Variants in PLEKHA5 observed in about 807,000 individuals in gnomAD.
PLEKHA5 encodes the protein pleckstrin homology domain containing A5.
In PLEKHA5, 55 loss-of-function variants were observed where a neutral mutation model predicts 181.9. The observed-to-expected ratio is 0.30, with a 90% CI of 0.24 to 0.38. PLEKHA5 has a LOEUF of 0.38. PLEKHA5 is among the 10% of genes least tolerant of loss of function. The probability of loss-of-function intolerance (pLI) is 1.00; values close to 1 mark genes in which losing one functional copy is unlikely to be tolerated. For missense variants in PLEKHA5, 1,432 were observed against 1,549.5 expected (o/e 0.92, Z 1.27); for synonymous variants, 535 against 529.4 (o/e 1.01, Z -0.15).
intron 3 of PLEKHA5, among the ~76,000 whole-genome samples, chr12:19,231,604 A>ATATGTATATATATT (rs144942773): frequency 1.3e-5 from 1 of 78,132 alleles, no homozygotes; most frequent in Non-Finnish European, 3.7e-5. Context: ...GTACACATAT[A>ATATGTATATATATT]TATATATAAA....
intron 3 of PLEKHA5, among the ~76,000 whole-genome samples, chr12:19,245,723 CAAAAAAAAAAAAAA>C (rs1177391924): frequency 3.9e-5 from 2 of 50,906 alleles, no homozygotes; most frequent in Non-Finnish European, 6.5e-5. Flanking sequence ...GTGAGACTGT[CAAAAAAAAAAAAAA>C]AAAAAAAAAA....
At chr12:19,154,296 G>T (rs2041165112) in intron 3 of PLEKHA5, 1 of 151,738 alleles carries the variant, frequency 6.6e-6, no homozygotes, top group African/African-American at 2.4e-5. Context: ...TCTTTTTCCA[G>T]TTTTATAAAC....
intron 3 of PLEKHA5, among the ~76,000 whole-genome samples, chr12:19,222,624 G>A (rs767434405): frequency 1.8e-4 from 27 of 152,088 alleles, no homozygotes; most frequent in Non-Finnish European, 3.7e-4. Flanking sequence ...AGTCAGTACC[G>A]GAGAAAATAT....
intron 3 of PLEKHA5, among the ~76,000 whole-genome samples, chr12:19,192,714 T>G (rs955453771): frequency 6.6e-6 from 1 of 151,890 alleles, no homozygotes; most frequent in African/African-American, 2.4e-5. Context: ...TCTCAAAAAA[T>G]AAAAAAGAAA....
chr12:19,318,984 T>C (rs1279214276), intron 16 of PLEKHA5, among the ~76,000 whole-genome samples: 1 of 152,212 alleles, frequency 6.6e-6, no homozygotes, highest in Non-Finnish European at 1.5e-5. Context: ...TTTTCATCTT[T>C]AATTTGTTAT....
intron 28 of PLEKHA5, 57 bp downstream of exon 28, chr12:19,359,603 T>C: frequency 6.7e-7 from 1 of 1,483,414 alleles, no homozygotes; most frequent in Admixed American, 1.7e-5. Flanking sequence ...GAAGATTAAA[T>C]CAAGTGGTAA....
At chr12:19,168,961 T>C (rs2045249194) in intron 3 of PLEKHA5, among the ~76,000 whole-genome samples, 1 of 152,218 alleles carries the variant, frequency 6.6e-6, no homozygotes, top group African/African-American at 2.4e-5. Flanking sequence ...TAAAGTGAGC[T>C]TAATCACCTG....
intron 15 of PLEKHA5, among the ~76,000 whole-genome samples, chr12:19,294,874 C>CA (rs2079359631): frequency 6.6e-6 from 1 of 152,186 alleles, no homozygotes; most frequent in African/African-American, 2.4e-5. Context: ...ATTTGATTCT[C>CA]ACTGTCACCG....
At chr12:19,332,664 G>T (rs770962910) in intron 20 of PLEKHA5, among the ~76,000 whole-genome samples, 2 of 152,050 alleles carry the variant, frequency 1.3e-5, no homozygotes, top group Non-Finnish European at 2.9e-5. Flanking sequence ...GGTGAGTTTT[G>T]CCTATTTTTG....
chr12:19,245,777 G>C (rs1201774215), intron 3 of PLEKHA5, among the ~76,000 whole-genome samples: 1 of 147,852 alleles, frequency 6.8e-6, no homozygotes, highest in Non-Finnish European at 1.5e-5. Context: ...AGACTTCGTG[G>C]TTCAGAGTAT....
chr12:19,286,885 G>C (rs2077320514), intron 12 of PLEKHA5, among the ~76,000 whole-genome samples: 1 of 150,140 alleles, frequency 6.7e-6, no homozygotes, highest in Middle Eastern at 3.5e-3. Flanking sequence ...AGGATCTCTT[G>C]AACCCAGGAG....
intron 15 of PLEKHA5, among the ~76,000 whole-genome samples, chr12:19,303,195 G>A (rs189063892): frequency 1.1e-4 from 15 of 142,358 alleles, no homozygotes; most frequent in Admixed American, 5.6e-4. Flanking sequence ...GTGAGTCACC[G>A]CATCCAGCCT....
intron 3 of PLEKHA5, among the ~76,000 whole-genome samples, chr12:19,234,539 A>G (rs1565498330): frequency 2.0e-5 from 3 of 152,126 alleles, no homozygotes; most frequent in African/African-American, 7.2e-5. Context: ...ATCCCTCATA[A>G]GCTTCCAGAG....
intron 16 of PLEKHA5, among the ~76,000 whole-genome samples, chr12:19,316,725 C>G (rs1045991067): frequency 2.0e-5 from 3 of 152,048 alleles, no homozygotes; most frequent in Non-Finnish European, 4.4e-5. Context: ...TTAAGCAGGG[C>G]ATCCTTAATA....
At chr12:19,180,717 T>A (rs899470859) in intron 3 of PLEKHA5, among the ~76,000 whole-genome samples, 1 of 152,150 alleles carries the variant, frequency 6.6e-6, no homozygotes, top group Admixed American at 6.5e-5. Context: ...GTTGGTCATA[T>A]GAGTTTTTAA....
At chr12:19,374,273 G>C (rs559034506) in intron 31 of PLEKHA5, among the ~76,000 whole-genome samples, 2 of 150,838 alleles carry the variant, frequency 1.3e-5, no homozygotes, top group East Asian at 3.9e-4. Context: ...AGATTTAATA[G>C]AGTGAAAACA....
At chr12:19,329,932 C>CA (rs1410147080) in intron 20 of PLEKHA5, among the ~76,000 whole-genome samples, 16 of 150,378 alleles carry the variant, frequency 1.1e-4, no homozygotes, top group African/African-American at 3.4e-4. Context: ...AAGCAAAAAA[C>CA]AAAAAAAACT....
intron 30 of PLEKHA5, among the ~76,000 whole-genome samples, chr12:19,367,864 G>T (rs1191002701): frequency 6.6e-6 from 1 of 151,752 alleles, no homozygotes; most frequent in African/African-American, 2.4e-5. Flanking sequence ...GGGATTATAG[G>T]CATGAGCCAC....
Position 19,274,935 on chromosome 12 carries a change from A to G in PLEKHA5, c.1265A>G (p.Gln422Arg). The G allele has an allele frequency of 6.2e-7, 1 of 1,612,942 alleles. No individual in the cohort carries two copies. The highest frequency in any genetic ancestry group is 1.1e-5 in the South Asian group (1 of 91,076). ...QRTNSMQQLE[Q>R]WIKIQKGRGH... ...ACAAATTCAATGCAGCAGTTGGAAC[A>G]GTGGATTAAAATCCAGAAGGGGAGG... Residue 422 changes from glutamine to arginine, a missense_variant, in exon 11 of 32, where the codon CAG becomes CGG. By Grantham distance (43) the Gln-to-Arg change is conservative. Around this residue, in one of 2 missense-constraint regions of PLEKHA5, gnomAD observed 1,143 missense variants for 1,168.4 expected, o/e 0.98. Coordinates refer to ENST00000429027, the MANE Select transcript of PLEKHA5 (RefSeq NM_001256470.2).
Sources: allele counts gnomAD v4.1 joint callset (sites outside exome capture counted in the v4.1 genomes callset), GRCh38; gene constraint gnomAD v4.1.1; regional missense constraint gnomAD v4.1.1; transcripts MANE v1.5; gene names NCBI Gene and HGNC (gene_info 2026-07-23, HGNC 2026-07-21).